PDGFC: variants seen among roughly 807,000 people sequenced by gnomAD.
The protein encoded by PDGFC is platelet-derived growth factor C.
PDGFC carries 12 observed loss-of-function variants against 35.5 expected under a neutral mutation model. The ratio of observed to expected loss-of-function variants is 0.34; its 90% CI spans 0.22 to 0.55. PDGFC has a LOEUF of 0.55. Ranked by LOEUF, PDGFC falls within the 20% of genes least tolerant of loss-of-function variation. The pLI, the probability that PDGFC is intolerant of heterozygous loss-of-function variation, is 0.91. For missense variants in PDGFC, 322 were observed against 412.4 expected (o/e 0.78, Z 1.90); for synonymous variants, 159 against 148.8 (o/e 1.07, Z -0.50).
At chr4:156,877,461 G>A (rs896656078) in intron 1 of PDGFC, among the ~76,000 whole-genome samples, 13 of 151,984 alleles carry the variant, frequency 8.6e-5, no homozygotes, top group African/African-American at 2.9e-4. Context: ...TTATAATAGG[G>A]TAAGTAATGA....
chr4:156,909,590 A>C (rs563777212), intron 1 of PDGFC, among the ~76,000 whole-genome samples: 1 of 152,312 alleles, frequency 6.6e-6, no homozygotes, highest in East Asian at 1.9e-4. Context: ...ATAAAACATT[A>C]GATATAATAT....
intron 4 of PDGFC, among the ~76,000 whole-genome samples, chr4:156,769,422 A>G (rs774277774): frequency 4.6e-5 from 7 of 151,984 alleles, no homozygotes; most frequent in Non-Finnish European, 1.0e-4. Context: ...AACGTATTAT[A>G]AAATTATGCA....
At chr4:156,849,334 T>C (rs902766888) in intron 2 of PDGFC, among the ~76,000 whole-genome samples, 2 of 152,062 alleles carry the variant, frequency 1.3e-5, no homozygotes, top group Non-Finnish European at 2.9e-5. Context: ...GTGCTAAAGA[T>C]AAAAACTGTG....
chr4:156,815,311 G>A (rs1579027333), intron 2 of PDGFC, among the ~76,000 whole-genome samples: 1 of 141,230 alleles, frequency 7.1e-6, no homozygotes, highest in South Asian at 2.3e-4. Flanking sequence ...AGTTATTAAT[G>A]AAATAATTTT....
chr4:156,817,202 A>G (rs1278681585), intron 2 of PDGFC, among the ~76,000 whole-genome samples: 2 of 152,184 alleles, frequency 1.3e-5, no homozygotes, highest in Non-Finnish European at 2.9e-5. Flanking sequence ...ACAAAGCTAG[A>G]AAAATTAAGC....
intron 2 of PDGFC, among the ~76,000 whole-genome samples, chr4:156,837,098 T>C (rs1166179173): frequency 6.6e-6 from 1 of 152,216 alleles, no homozygotes; most frequent in Non-Finnish European, 1.5e-5. Flanking sequence ...ATGATATTAA[T>C]ATTTCAATAC....
At chr4:156,958,269 T>C (rs1458366713) in intron 1 of PDGFC, among the ~76,000 whole-genome samples, 1 of 151,800 alleles carries the variant, frequency 6.6e-6, no homozygotes, top group Admixed American at 6.6e-5. Flanking sequence ...AAATCCAGTT[T>C]AAATGCAGGT....
rs189108375 is a variant in PDGFC at position 156,924,299 on chromosome 4, C to T, written c.118+46487G>A. ...TTTTATTCTGTGTAAAATCATTTAC[C>T]CACTTATTCATCAATCATTTCTTGA... On this transcript the variant is annotated intron_variant, in intron 1 of 5. Transcript: ENST00000502773. 1.1e-3 allele frequency among the ~76,000 whole-genome samples: 169 copies of T among 152,174 alleles called. 2 individuals are homozygous for T. The Middle Eastern group carries it at 0.024, about 21-fold the overall frequency.
At chr4:156,899,204 G>C (rs544506094) in intron 1 of PDGFC, among the ~76,000 whole-genome samples, 6 of 152,104 alleles carry the variant, frequency 3.9e-5, no homozygotes, top group Non-Finnish European at 5.9e-5. Context: ...AAATTGTCTC[G>C]TACCCAGTAC....
intron 1 of PDGFC, among the ~76,000 whole-genome samples, chr4:156,948,962 C>T (rs1460927778): frequency 3.3e-5 from 5 of 151,752 alleles, no homozygotes; most frequent in African/African-American, 1.2e-4. Flanking sequence ...TACTGGCTAG[C>T]CAAGGGACCA....
At chr4:156,924,985 T>C (rs1479079537) in intron 1 of PDGFC, among the ~76,000 whole-genome samples, 2 of 129,320 alleles carry the variant, frequency 1.5e-5, no homozygotes, top group Non-Finnish European at 3.3e-5. Flanking sequence ...GGGCAGCACA[T>C]AGGGCTGGGC....
At chr4:156,891,434 T>C (rs1443841398) in intron 1 of PDGFC, among the ~76,000 whole-genome samples, 1 of 152,112 alleles carries the variant, frequency 6.6e-6, no homozygotes, top group Non-Finnish European at 1.5e-5. Context: ...CACAAGATTT[T>C]TGGTAAAAAT....
intron 2 of PDGFC, among the ~76,000 whole-genome samples, chr4:156,820,699 C>A (rs1002539949): frequency 9.2e-5 from 14 of 151,900 alleles, no homozygotes; most frequent in Non-Finnish European, 1.5e-5. Flanking sequence ...TAAGAATGAC[C>A]CTTCAGAATA....
chr4:156,776,547 G>A (rs1195154949), intron 3 of PDGFC, among the ~76,000 whole-genome samples: 1 of 152,206 alleles, frequency 6.6e-6, no homozygotes, highest in African/African-American at 2.4e-5. Context: ...GTGAGGGTGT[G>A]GCCCTAGCCT....
Position 156,906,009 on chromosome 4 carries a change from T to G in PDGFC, c.119-55593A>C, listed in dbSNP as rs181910214. 2.9e-4 allele frequency among the ~76,000 whole-genome samples: 44 copies of G among 152,288 alleles called. 1 individual carries two copies. Among genetic ancestry groups the G allele is most frequent in the Admixed American group, 2.8e-3 (43 of 15,298 alleles). On this transcript the variant is annotated intron_variant, in intron 1 of 5. Transcript: ENST00000502773. The stretch of plus-strand genomic sequence containing the variant: ...CAGTATTAAAAGATGCTTCATCAGA[T>G]ACTTGTGTAAGTATACACAGAGATA...
intron 1 of PDGFC, among the ~76,000 whole-genome samples, chr4:156,904,508 T>TAA (rs1226681169): frequency 6.6e-6 from 1 of 152,128 alleles, no homozygotes; most frequent in Non-Finnish European, 1.5e-5. Context: ...TTCATTTCTC[T>TAA]ATTGCTCGAA....
At chr4:156,823,762 C>T (rs1490895095) in intron 2 of PDGFC, among the ~76,000 whole-genome samples, 2 of 151,992 alleles carry the variant, frequency 1.3e-5, no homozygotes, top group East Asian at 1.9e-4. Context: ...ATCAATATGT[C>T]GAAGAGATAT....
rs765198579 is a variant in PDGFC, at chr4:156,850,412, T to A, written c.123A>T (p.Val41=). 6.3e-7 allele frequency: 1 copy of A among 1,577,592 alleles called. No homozygotes were observed. Residue 41 remains valine, a synonymous_variant, in exon 2 of 6, where the codon GTA becomes GTT. Transcript: ENST00000502773. ...QFSSNKEQNG[V]QDPQHERIIT... is the part of the protein sequence containing the mutation. ...TAATTCTCTCATGCTGAGGATCTTG[T>A]ACTCCTAAAGCAAAAAACATAGACA...
intron 1 of PDGFC, among the ~76,000 whole-genome samples, chr4:156,967,041 T>C (rs1441534774): frequency 1.3e-5 from 2 of 151,042 alleles, no homozygotes; most frequent in Non-Finnish European, 3.0e-5. Flanking sequence ...TTTTTTTTTT[T>C]GTAAAAAAGC....
Sources: gnomAD v4.1 joint callset for allele counts (sites outside exome capture counted in the v4.1 genomes callset) on GRCh38, gnomAD v4.1.1 for gene constraint, MANE v1.5 for transcripts, NCBI Gene and HGNC (gene_info 2026-07-23, HGNC 2026-07-21) for gene names.